The following MAS1L variants were observed in gnomAD, a reference collection of about 807,000 sequenced individuals.
The protein encoded by MAS1L is MAS1 proto-oncogene like, G protein-coupled receptor.
For missense variants in MAS1L, 441 were observed against 460.1 expected (o/e 0.96, Z 0.38); for synonymous variants, 160 against 182.9 (o/e 0.87, Z 1.01).
At position 29,487,434 on chromosome 6, in the gene MAS1L, A is replaced by G; in HGVS notation, c.469T>C (p.Phe157Leu). The G allele has an allele frequency of 6.2e-7, 1 of 1,612,376 alleles. No homozygotes were observed. The highest frequency in any genetic ancestry group is 8.5e-7 in the Non-Finnish European group (1 of 1,179,190). The change falls in exon 1 of 1, where the codon TTT (phenylalanine) becomes CTT (leucine). Residue 157 changes from phenylalanine to leucine, a missense_variant. Coordinates refer to ENST00000377127, the MANE Select transcript of MAS1L (RefSeq NM_052967.2). Reference protein sequence around the residue: ...DFLAILSPFSFEVCLCLLVAI... With the variant: ...DFLAILSPFSLEVCLCLLVAI... ...ACCAGGAGACAGAGACACACCTCAAAGGAGAAGGGAGACAATATGGCCAGG... is the reference window on the plus strand; with the variant it reads ...ACCAGGAGACAGAGACACACCTCAAGGGAGAAGGGAGACAATATGGCCAGG...
Position 29,486,964 on chromosome 6 carries a change from A to C in MAS1L, c.939T>G (p.Ile313Met). 4 of 1,614,144 alleles carry C rather than the reference A, an allele frequency of 2.5e-6. No individual in the cohort carries two copies. Among genetic ancestry groups the C allele is most frequent in the Non-Finnish European group, 3.4e-6 (4 of 1,180,012 alleles). The change falls in exon 1 of 1, where the codon ATT becomes ATG. Residue 313 changes from isoleucine (I) to methionine (M), a missense_variant. By Grantham distance (10) the Ile-to-Met change is conservative. Coordinates refer to ENST00000377127, the MANE Select transcript of MAS1L (RefSeq NM_052967.2). ...LIINSSANPI[I>M]YFFVGSLRKK... ...TTCTGAGGCTCCCCACAAAGAAATA[A>C]ATGATAGGGTTGGCGCTGCTGTTTA...
At position 29,486,714 on chromosome 6, in the gene MAS1L, C is replaced by G. The variant is rs1789274584; in HGVS notation, c.*52G>C. 4 of 1,522,080 alleles carry G rather than the reference C, an allele frequency of 2.6e-6. No individual in the cohort carries two copies. Among genetic ancestry groups the G allele is most frequent in the Non-Finnish European group, 3.5e-6 (4 of 1,128,762 alleles). The allele number at this position is 1,522,080 out of a possible 1,614,324, so 94.3% of individuals were successfully genotyped here. On this transcript the variant is annotated 3_prime_UTR_variant, in exon 1 of 1. Coordinates refer to ENST00000377127, the MANE Select transcript of MAS1L (RefSeq NM_052967.2). The stretch of plus-strand genomic sequence containing the variant: ...GATTTGATGCAGCAGCCTTATGATG[C>G]AGAACAGGCTGGGTTACTATGTGTA...
rs200721788 is a variant in MAS1L at position 29,487,380 on chromosome 6, C to T, written c.523G>A (p.Val175Ile). 7 of 1,611,834 alleles carry T rather than the reference C, an allele frequency of 4.3e-6. No individual in the cohort carries two copies. The highest frequency in any genetic ancestry group is 5.9e-6 in the Non-Finnish European group (7 of 1,179,154). The change falls in exon 1 of 1, where the codon GTC becomes ATC. Residue 175 changes from valine (V) to isoleucine (I), a missense_variant. Transcript: ENST00000377127. ...CATCTGTACCAGATGGGGAAGAGGA[C>T]ACACACACACCGCTCTGTGCTGATG... ...VAISTERCVC[V>I]LFPIWYRCHR...
In MAS1L at chr6:29,487,060, G is replaced by T. The variant is rs763183994; in HGVS notation, c.843C>A (p.Ser281Arg). ...PMFLLWALPL[S>R]VAPLITDFKM... ...TGAAATCTGTTATGAGGGGTGCCACGCTCAGGGGTAGGGCCCAGAGTAGGA... is the reference window on the plus strand; with the variant it reads ...TGAAATCTGTTATGAGGGGTGCCACTCTCAGGGGTAGGGCCCAGAGTAGGA... Residue 281 changes from serine (S) to arginine (R), a missense_variant, in exon 1 of 1, where the codon AGC (serine) becomes AGA (arginine). Physicochemically the swap from Ser to Arg is moderately radical, Grantham distance 110. Transcript: ENST00000377127. 1.2e-6 allele frequency: 2 copies of T among 1,613,992 alleles called. No homozygotes were observed. Among genetic ancestry groups the T allele is most frequent in the South Asian group, 1.1e-5 (1 of 91,072 alleles).
Position 29,487,838 on chromosome 6 carries a change from T to C in MAS1L, c.65A>G (p.Gln22Arg), listed in dbSNP as rs1561901812. The C allele has an allele frequency of 2.5e-6, 4 of 1,613,970 alleles. No individual in the cohort carries two copies. ...RAGWTVFAES[Q>R]ISLSCSLCLH... The stretch of plus-strand genomic sequence containing the variant: ...ACAAAGGCTACATGAGAGAGATATC[T>C]GTGACTCAGCAAACACTGTCCATCC... Residue 22 changes from glutamine to arginine, a missense_variant, in exon 1 of 1, where the codon CAG becomes CGG. By Grantham distance (43) the Gln-to-Arg change is conservative (BLOSUM62 1). Coordinates refer to ENST00000377127, the MANE Select transcript of MAS1L (RefSeq NM_052967.2).
chr6:29,487,836 T>C lies in MAS1L; in HGVS notation c.67A>G (p.Ile23Val), dbSNP rs758264297. The C allele has an allele frequency of 1.2e-5, 19 of 1,613,986 alleles. No homozygotes were observed. The South Asian group carries it at 2.1e-4, about 18-fold the overall frequency. The change falls in exon 1 of 1, where the codon ATA becomes GTA. Residue 23 changes from isoleucine (I) to valine (V), a missense_variant. Physicochemically the swap from Ile to Val is conservative, Grantham distance 29. Coordinates refer to ENST00000377127, the MANE Select transcript of MAS1L (RefSeq NM_052967.2). Reference protein sequence around the residue: ...AGWTVFAESQISLSCSLCLHS... With the variant: ...AGWTVFAESQVSLSCSLCLHS... ...AGACAAAGGCTACATGAGAGAGATA[T>C]CTGTGACTCAGCAAACACTGTCCAT...
rs1311387512 is a variant in MAS1L at position 29,487,581 on chromosome 6, A to AGGG, written c.319_321dup (p.Pro107dup). Reference sequence around the variant, plus strand: ...ACCAGGTGGAGGATGTATACCATGTAGGGATTCGTGGCCCCACAGCAAAGC... The same window carrying AGGG: ...ACCAGGTGGAGGATGTATACCATGTAGGGGGGATTCGTGGCCCCACAGCAAAGC... On this transcript the variant is annotated inframe_insertion, in exon 1 of 1. Transcript: ENST00000377127. 1 of 1,614,106 alleles carries AGGG rather than the reference A, an allele frequency of 6.2e-7. No individual in the cohort carries two copies. Among genetic ancestry groups the AGGG allele is most frequent in the African/African-American group, 1.3e-5 (1 of 74,942 alleles).
rs1174931434 is a variant in MAS1L at position 29,487,217 on chromosome 6, C to A, written c.686G>T (p.Gly229Val). The A allele has an allele frequency of 6.2e-7, 1 of 1,614,002 alleles. No homozygotes were observed. The highest frequency in any genetic ancestry group is 1.7e-5 in the Admixed American group (1 of 60,008). ...AAGTGAAAGGATAGCATGGAAGAGC[C>A]CAGAAAGCTTTAGAAATATGACACA... ...KACVIFLKLS[G>V]LFHAILSLVM... Residue 229 changes from glycine to valine, a missense_variant, in exon 1 of 1, where the codon GGG (glycine) becomes GTG (valine). By Grantham distance (109) the Gly-to-Val change is moderately radical. Transcript: ENST00000377127.
Position 29,486,913 on chromosome 6 carries a change from T to C in MAS1L, c.990A>G (p.Arg330=). The change falls in exon 1 of 1, where the codon AGA becomes AGG. Residue 330 remains arginine, a synonymous_variant. Coordinates refer to ENST00000377127, the MANE Select transcript of MAS1L (RefSeq NM_052967.2). ...LRKKRLKESL[R]VILQRALADK... ...CTGCTAACGCCCGTTGGAGAATCAC[T>C]CTGAGAGATTCCTTCAGCCTTTTCT... 1 of 1,614,178 alleles carries C rather than the reference T, an allele frequency of 6.2e-7. No individual in the cohort carries two copies. The highest frequency in any genetic ancestry group is 8.5e-7 in the Non-Finnish European group (1 of 1,180,034).
Position 29,487,715 on chromosome 6 carries a change from T to C in MAS1L, c.188A>G (p.Gln63Arg), listed in dbSNP as rs1789408976. ...QNETNETIHM[Q>R]MSMAVGQQAL... Reference sequence around the variant, plus strand: ...CTGCTGTCCCACTGCCATGCTCATCTGCATATGTATGGTTTCATTCGTCTC... The same window carrying C: ...CTGCTGTCCCACTGCCATGCTCATCCGCATATGTATGGTTTCATTCGTCTC... Residue 63 changes from glutamine (Q) to arginine (R), a missense_variant, in exon 1 of 1, where the codon CAG becomes CGG. Transcript: ENST00000377127. The C allele has an allele frequency of 1.2e-6, 2 of 1,614,142 alleles. No individual in the cohort carries two copies. The highest frequency in any genetic ancestry group is 1.7e-5 in the Admixed American group (1 of 60,014).
In MAS1L at chr6:29,487,431, C is replaced by T. The variant is rs115645242; in HGVS notation, c.472G>A (p.Glu158Lys). 738 of 1,595,180 alleles carry T rather than the reference C, an allele frequency of 4.6e-4. 1 individual carries two copies. Among genetic ancestry groups the T allele is most frequent in the African/African-American group, 4.2e-3 (309 of 74,102 alleles). ...FLAILSPFSFEVCLCLLVAIS... is the reference protein window; with the variant it reads ...FLAILSPFSFKVCLCLLVAIS... ...GCCACCAGGAGACAGAGACACACCT[C>T]AAAGGAGAAGGGAGACAATATGGCC... Residue 158 changes from glutamate (E) to lysine (K), a missense_variant, in exon 1 of 1, where the codon GAG (glutamate) becomes AAG (lysine). Transcript: ENST00000377127.
chr6:29,486,860 T>G lies in MAS1L; in HGVS notation c.1043A>C (p.Lys348Thr). Residue 348 changes from lysine (K) to threonine (T), a missense_variant, in exon 1 of 1, where the codon AAG becomes ACG. Coordinates refer to ENST00000377127, the MANE Select transcript of MAS1L (RefSeq NM_052967.2). ...ADKPEVGRNK[K>T]AAGIDPMEQP... ...CTCCATTGGGTCGATGCCAGCTGCCTTTTTGTTCCTCCCCACCTCTGGCTT... is the reference window on the plus strand; with the variant it reads ...CTCCATTGGGTCGATGCCAGCTGCCGTTTTGTTCCTCCCCACCTCTGGCTT... The G allele has an allele frequency of 6.2e-7, 1 of 1,614,154 alleles. No homozygotes were observed. Among genetic ancestry groups the G allele is most frequent in the Non-Finnish European group, 8.5e-7 (1 of 1,180,004 alleles).
At position 29,487,631 on chromosome 6, in the gene MAS1L, A is replaced by G; in HGVS notation, c.272T>C (p.Leu91Ser). 6.2e-7 allele frequency: 1 copy of G among 1,614,234 alleles called. No homozygotes were observed. The highest frequency in any genetic ancestry group is 8.5e-7 in the Non-Finnish European group (1 of 1,180,046). ...KAVLVSLCGV[L>S]LNGTVFWLLC... ...CAGCCAGAAGACAGTGCCATTCAATAAGACCCCACAGAGGGAGACCAGCAC... is the reference window on the plus strand; with the variant it reads ...CAGCCAGAAGACAGTGCCATTCAATGAGACCCCACAGAGGGAGACCAGCAC... Residue 91 changes from leucine (L) to serine (S), a missense_variant, in exon 1 of 1, where the codon TTA becomes TCA. By Grantham distance (145) the Leu-to-Ser change is moderately radical. Coordinates refer to ENST00000377127, the MANE Select transcript of MAS1L (RefSeq NM_052967.2).
At position 29,486,797 on chromosome 6, in the gene MAS1L, G is replaced by A. The variant is rs1366192225; in HGVS notation, c.1106C>T (p.Pro369Leu). 2 of 1,613,538 alleles carry A rather than the reference G, an allele frequency of 1.2e-6. No homozygotes were observed. The highest frequency in any genetic ancestry group is 1.7e-5 in the Admixed American group (1 of 59,944). The change falls in exon 1 of 1, where the codon CCC (proline) becomes CTC (leucine). Residue 369 changes from proline (P) to leucine (L), a missense_variant. Physicochemically the swap from Pro to Leu is moderately conservative, Grantham distance 98. Coordinates refer to ENST00000377127, the MANE Select transcript of MAS1L (RefSeq NM_052967.2). ...TTCCACATCGACCCTGTGCTCCCTG[G>A]GAAGAAGGTTCTCCACATGCTGAGT... ...HSTQHVENLL[P>L]REHRVDVET
chr6:29,487,425 A>G lies in MAS1L; in HGVS notation c.478T>C (p.Cys160Arg). The change falls in exon 1 of 1, where the codon TGT becomes CGT. Residue 160 changes from cysteine (C) to arginine (R), a missense_variant. Cys to Arg is a radical substitution (Grantham distance 180). Transcript: ENST00000377127. ...CTGATGGCCACCAGGAGACAGAGAC[A>G]CACCTCAAAGGAGAAGGGAGACAAT... is the stretch of plus-strand genomic sequence containing the variant. The part of the protein sequence containing the change: ...AILSPFSFEV[C>R]LCLLVAISTE... The G allele has an allele frequency of 6.2e-7, 1 of 1,614,080 alleles. No individual in the cohort carries two copies. Among genetic ancestry groups the G allele is most frequent in the Non-Finnish European group, 8.5e-7 (1 of 1,180,022 alleles).
Position 29,487,178 on chromosome 6 carries a change from G to A in MAS1L, c.725C>T (p.Ser242Leu), listed in dbSNP as rs900352016. The A allele has an allele frequency of 4.3e-6, 7 of 1,613,936 alleles. No individual in the cohort carries two copies. The African/African-American group carries it at 5.3e-5, about 12-fold the overall frequency. The part of the protein sequence containing the change: ...HAILSLVMCV[S>L]SLTLLIRFLC... Reference sequence around the variant, plus strand: ...GAATCTAATGAGTAGAGTCAGACTCGACACACACATCACAAGTGAAAGGAT... The same window carrying A: ...GAATCTAATGAGTAGAGTCAGACTCAACACACACATCACAAGTGAAAGGAT... The change falls in exon 1 of 1, where the codon TCG becomes TTG. Residue 242 changes from serine (S) to leucine (L), a missense_variant. Coordinates refer to ENST00000377127, the MANE Select transcript of MAS1L (RefSeq NM_052967.2).
In MAS1L at chr6:29,486,697, G is replaced by T; in HGVS notation, c.*69C>A. 1 of 1,456,614 alleles carries T rather than the reference G, an allele frequency of 6.9e-7. No individual in the cohort carries two copies. Among genetic ancestry groups the T allele is most frequent in the Non-Finnish European group, 9.3e-7 (1 of 1,076,310 alleles). The allele number at this position is 1,456,614 out of a possible 1,614,324, so 90.2% of individuals were successfully genotyped here. ...GATTAGAATAAAGCATTGATTTGAT[G>T]CAGCAGCCTTATGATGCAGAACAGG... On this transcript the variant is annotated 3_prime_UTR_variant, in exon 1 of 1. Transcript: ENST00000377127.
In MAS1L at chr6:29,487,824, A is replaced by G; in HGVS notation, c.79T>C (p.Cys27Arg). The G allele has an allele frequency of 6.2e-7, 1 of 1,614,162 alleles. No homozygotes were observed. Reference sequence around the variant, plus strand: ...TCACCACTGTGGAGACAAAGGCTACATGAGAGAGATATCTGTGACTCAGCA... The same window carrying G: ...TCACCACTGTGGAGACAAAGGCTACGTGAGAGAGATATCTGTGACTCAGCA... ...VFAESQISLSCSLCLHSGDQE... is the reference protein window; with the variant it reads ...VFAESQISLSRSLCLHSGDQE... Residue 27 changes from cysteine (C) to arginine (R), a missense_variant, in exon 1 of 1, where the codon TGT becomes CGT. Transcript: ENST00000377127.
chr6:29,486,973 G>C lies in MAS1L; in HGVS notation c.930C>G (p.Asn310Lys). 6.2e-7 allele frequency: 1 copy of C among 1,614,110 alleles called. No individual in the cohort carries two copies. Residue 310 changes from asparagine (N) to lysine (K), a missense_variant, in exon 1 of 1, where the codon AAC (asparagine) becomes AAG (lysine). Coordinates refer to ENST00000377127, the MANE Select transcript of MAS1L (RefSeq NM_052967.2). ...TCCCCACAAAGAAATAAATGATAGGGTTGGCGCTGCTGTTTATAATGAGGA... is the reference window on the plus strand; with the variant it reads ...TCCCCACAAAGAAATAAATGATAGGCTTGGCGCTGCTGTTTATAATGAGGA... Reference protein sequence around the residue: ...SLFLIINSSANPIIYFFVGSL... With the variant: ...SLFLIINSSAKPIIYFFVGSL...
Sources: allele counts gnomAD v4.1 joint callset, GRCh38; gene constraint gnomAD v4.1.1; transcripts MANE v1.5; gene names NCBI Gene and HGNC (gene_info 2026-07-23, HGNC 2026-07-21).